RBFOX1: variants seen among roughly 807,000 people sequenced by gnomAD.
The protein encoded by RBFOX1 is RNA binding fox-1 homolog 1.
In RBFOX1, 8 loss-of-function variants were observed where a neutral mutation model predicts 57.7. The ratio of observed to expected loss-of-function variants is 0.14; its 90% CI spans 0.08 to 0.25. The LOEUF (loss-of-function observed/expected upper bound fraction) is 0.25, where lower values mean the gene tolerates loss of function less well. Among genes scored for constraint, RBFOX1 ranks in the 10% least tolerant of loss-of-function variants. The pLI is 1.00. For missense variants in RBFOX1, 611 were observed against 548.5 expected (o/e 1.11, Z -1.14); for synonymous variants, 326 against 222.4 (o/e 1.47, Z -4.15).
intron 4 of RBFOX1, among the ~76,000 whole-genome samples, chr16:7,182,901 A>G (rs948158632): frequency 2.0e-5 from 3 of 152,196 alleles, no homozygotes; most frequent in Non-Finnish European, 2.9e-5. Context: ...GTTCACAACA[A>G]TTACATGCCC....
At chr16:7,567,303 C>CTATATA (rs199970979) in intron 5 of RBFOX1, among the ~76,000 whole-genome samples, 5 of 111,794 alleles carry the variant, frequency 4.5e-5, no homozygotes, top group Admixed American at 3.9e-4. Context: ...ATATATGGCC[C>CTATATA]TATATATATA....
At chr16:7,237,749 C>A (rs1199821654) in intron 4 of RBFOX1, among the ~76,000 whole-genome samples, 1 of 152,202 alleles carries the variant, frequency 6.6e-6, no homozygotes, top group African/African-American at 2.4e-5. Flanking sequence ...CTCTAGCCTG[C>A]AATCCCAACA....
At chr16:6,999,008 A>G (rs1400574369) in intron 3 of RBFOX1, among the ~76,000 whole-genome samples, 2 of 151,326 alleles carry the variant, frequency 1.3e-5, no homozygotes, top group African/African-American at 2.4e-5. Flanking sequence ...AGCTGGAATT[A>G]CAAGCATCCA....
intron 3 of RBFOX1, among the ~76,000 whole-genome samples, chr16:5,612,212 C>T (rs1596454632): frequency 6.9e-6 from 1 of 143,922 alleles, no homozygotes; most frequent in Admixed American, 6.9e-5. Context: ...CCCCTCCACT[C>T]TCATTCATTC....
chr16:7,442,662 C>G (rs528342763), intron 4 of RBFOX1, among the ~76,000 whole-genome samples: 175 of 152,196 alleles, frequency 1.1e-3, no homozygotes, highest in African/African-American at 4.1e-3. Context: ...TATGAGAAAG[C>G]AAGCAGTAGA....
chr16:7,369,316 T>C (rs975943773), intron 4 of RBFOX1, among the ~76,000 whole-genome samples: 6 of 152,096 alleles, frequency 3.9e-5, no homozygotes, highest in African/African-American at 1.4e-4. Flanking sequence ...TGTTGTTGCA[T>C]GCTTCATCCA....
chr16:7,144,442 T>G (rs1198213018), intron 4 of RBFOX1, among the ~76,000 whole-genome samples: 2 of 142,158 alleles, frequency 1.4e-5, no homozygotes, highest in Non-Finnish European at 3.1e-5. Flanking sequence ...TTTTTTTGAG[T>G]CAGGGCCCCT....
At chr16:7,425,031 G>A (rs1163288197) in intron 4 of RBFOX1, among the ~76,000 whole-genome samples, 2 of 152,130 alleles carry the variant, frequency 1.3e-5, no homozygotes, top group African/African-American at 2.4e-5. Flanking sequence ...TGACATAAAA[G>A]GGGGAAATTA....
At chr16:6,490,548 C>T (rs1312983355) in intron 2 of RBFOX1, among the ~76,000 whole-genome samples, 3 of 152,184 alleles carry the variant, frequency 2.0e-5, no homozygotes, top group African/African-American at 4.8e-5. Flanking sequence ...GCATAGGTAT[C>T]TGCTTACTAT....
chr16:7,273,278 C>G (rs1312598350), intron 4 of RBFOX1, among the ~76,000 whole-genome samples: 5 of 137,300 alleles, frequency 3.6e-5, no homozygotes, highest in Non-Finnish European at 7.7e-5. Context: ...TTCTCTTTTT[C>G]TCATCTATGA....
intron 2 of RBFOX1, among the ~76,000 whole-genome samples, chr16:6,635,610 T>C (rs1427416338): frequency 1.3e-5 from 2 of 152,146 alleles, no homozygotes; most frequent in Non-Finnish European, 2.9e-5. Context: ...GGGAGGAACA[T>C]ACTAGAATAT....
intron 14 of RBFOX1, among the ~76,000 whole-genome samples, chr16:7,694,658 C>T (rs538954959): frequency 1.3e-5 from 2 of 152,306 alleles, no homozygotes; most frequent in East Asian, 1.9e-4. Flanking sequence ...TGGCGACATC[C>T]TTAACACTTT....
At chr16:6,873,571 A>G (rs969590114) in intron 3 of RBFOX1, among the ~76,000 whole-genome samples, 4 of 152,174 alleles carry the variant, frequency 2.6e-5, no homozygotes, top group Admixed American at 2.6e-4. Context: ...TTTGCTGCAT[A>G]AACTATTGAG....
intron 1 of RBFOX1, among the ~76,000 whole-genome samples, chr16:6,243,636 C>G (rs8048052): frequency 1.3e-5 from 2 of 152,176 alleles, no homozygotes; most frequent in African/African-American, 2.4e-5. Context: ...CCCTGTGGCC[C>G]GTAACCCGGG....
At chr16:5,802,230 T>G (rs1178893255) in intron 3 of RBFOX1, among the ~76,000 whole-genome samples, 1 of 152,134 alleles carries the variant, frequency 6.6e-6, no homozygotes, top group Non-Finnish European at 1.5e-5. Context: ...CCTGAAATAA[T>G]TCCTCAGATT....
At chr16:7,079,248 A>G (rs1391138615) in intron 4 of RBFOX1, among the ~76,000 whole-genome samples, 1 of 152,180 alleles carries the variant, frequency 6.6e-6, no homozygotes, top group Non-Finnish European at 1.5e-5. Flanking sequence ...TTACTTGCTC[A>G]TCATACATCT....
At chr16:5,989,784 G>T (rs2060355245) in intron 4 of RBFOX1, among the ~76,000 whole-genome samples, 1 of 150,540 alleles carries the variant, frequency 6.6e-6, no homozygotes, top group Admixed American at 6.7e-5. Context: ...AAGTCATCCA[G>T]GTAGAGGTTG....
intron 4 of RBFOX1, among the ~76,000 whole-genome samples, chr16:5,967,928 A>T (rs2059880966): frequency 6.6e-6 from 1 of 151,902 alleles, no homozygotes; most frequent in Non-Finnish European, 1.5e-5. Flanking sequence ...TGTTTTTCGT[A>T]GTTGTGCTGT....
chr16:5,594,593 G>T (rs866936654), intron 2 of RBFOX1, among the ~76,000 whole-genome samples: 3 of 152,166 alleles, frequency 2.0e-5, no homozygotes, highest in African/African-American at 7.2e-5. Context: ...GGGAGAGGAG[G>T]CTTCCAGGTC....
Sources: gnomAD v4.1 joint callset for allele counts (sites outside exome capture counted in the v4.1 genomes callset) on GRCh38, gnomAD v4.1.1 for gene constraint, MANE v1.5 for transcripts, NCBI Gene and HGNC (gene_info 2026-07-23, HGNC 2026-07-21) for gene names.